ELF1: variants seen among roughly 807,000 people sequenced by gnomAD.
ELF1 encodes E74 like ETS transcription factor 1, also known as ETS-related transcription factor Elf-1.
Under a neutral mutation model 59.9 loss-of-function variants are expected in ELF1, and 24 were observed. The observed-to-expected ratio is 0.40, with a 90% CI of 0.29 to 0.56. The LOEUF is 0.56. Ranked by LOEUF, ELF1 falls within the 20% of genes least tolerant of loss-of-function variation. The pLI is 0.44. For missense variants in ELF1, 627 were observed against 742.2 expected (o/e 0.84, Z 1.80); for synonymous variants, 248 against 266.2 (o/e 0.93, Z 0.67).
chr13:40,979,060 A>T (rs1462141955), intron 2 of ELF1, among the ~76,000 whole-genome samples: 1 of 151,914 alleles, frequency 6.6e-6, no homozygotes, highest in Non-Finnish European at 1.5e-5. Flanking sequence ...CCCATCTAGT[A>T]GTCCCTCTTT....
At chr13:41,016,653 G>A (rs1374499222) in intron 1 of ELF1, among the ~76,000 whole-genome samples, 1 of 151,848 alleles carries the variant, frequency 6.6e-6, no homozygotes, top group Non-Finnish European at 1.5e-5. Context: ...GGTGGCTTGT[G>A]CCTGTAATCA....
chr13:40,939,008 G>T (rs1869966783), intron 8 of ELF1, among the ~76,000 whole-genome samples: 1 of 152,014 alleles, frequency 6.6e-6, no homozygotes. Context: ...AAAAATATAA[G>T]AAATAACAAA....
At chr13:41,060,926 C>T (rs577233775) in exon 1 of ELF1, 13,628 of 358,574 alleles carry the variant, frequency 0.038, 931 homozygotes, top group East Asian at 0.12. Flanking sequence ...CCGCCGCCGC[C>T]GCCGCCGCCG....
At chr13:40,955,441 C>T (rs368448109) in intron 3 of ELF1, among the ~76,000 whole-genome samples, 56,677 of 111,784 alleles carry the variant, frequency 0.51, 17,948 homozygotes, top group Non-Finnish European at 0.67. Context: ...GCCCCCCGCC[C>T]GGCCAGCCGC....
intron 1 of ELF1, among the ~76,000 whole-genome samples, chr13:41,055,379 C>T (rs1877246343): frequency 6.6e-6 from 1 of 151,562 alleles, no homozygotes; most frequent in Non-Finnish European, 1.5e-5. Flanking sequence ...CCTCTCAATG[C>T]CTTGTCCCCA....
intron 1 of ELF1, among the ~76,000 whole-genome samples, chr13:41,002,118 A>G (rs925258716): frequency 5.9e-5 from 9 of 152,184 alleles, no homozygotes; most frequent in African/African-American, 2.2e-4. Context: ...CTGGGGGGGA[A>G]ATAGGTACAG....
chr13:41,036,424 A>G (rs1211755260), intron 1 of ELF1, among the ~76,000 whole-genome samples: 1 of 152,204 alleles, frequency 6.6e-6, no homozygotes, highest in Admixed American at 6.5e-5. Flanking sequence ...CTCTCCCTCC[A>G]CACTTGAAGT....
In ELF1 at chr13:40,991,186, G is replaced by A. The variant is rs371987352; in HGVS notation, c.-228-8904C>T. On this transcript the variant is annotated intron_variant, in intron 1 of 8. Transcript: ENST00000239882. ...AAGCTTTCAGAACTGTCACAACTAAGAGAAGCCTAAGGAAACATGACAACT... is the reference window on the plus strand; with the variant it reads ...AAGCTTTCAGAACTGTCACAACTAAAAGAAGCCTAAGGAAACATGACAACT... Among the ~76,000 whole-genome samples, 56 of 152,296 alleles carry A rather than the reference G, an allele frequency of 3.7e-4. No individual in the cohort carries two copies. In the East Asian group the frequency reaches 9.3e-3, roughly 25 times the overall value.
intron 1 of ELF1, among the ~76,000 whole-genome samples, chr13:40,987,868 T>A (rs1277501091): frequency 1.3e-5 from 2 of 152,090 alleles, no homozygotes; most frequent in African/African-American, 4.8e-5. Flanking sequence ...GGTAACCTAA[T>A]AAAAGGGCTC....
At chr13:41,031,179 GAAAGAAAA>G in intron 1 of ELF1, among the ~76,000 whole-genome samples, 1 of 149,672 alleles carries the variant, frequency 6.7e-6, no homozygotes. Flanking sequence ...AAGAAAGAAA[GAAAGAAAA>G]AAAGAAAAGA....
chr13:40,944,297 C>T (rs1870370287), intron 5 of ELF1, among the ~76,000 whole-genome samples: 1 of 152,182 alleles, frequency 6.6e-6, no homozygotes, highest in Admixed American at 6.5e-5. Flanking sequence ...CAAAAATAAG[C>T]CATACAGTTT....
intron 2 of ELF1, among the ~76,000 whole-genome samples, chr13:40,979,014 GTTA>G (rs1873093896): frequency 9.7e-6 from 1 of 103,376 alleles, no homozygotes; most frequent in Non-Finnish European, 2.2e-5. Flanking sequence ...GCACCCAATA[GTTA>G]GTTTTTCAAC....
chr13:40,968,874 C>T (rs1274894445), intron 2 of ELF1, among the ~76,000 whole-genome samples: 1 of 152,048 alleles, frequency 6.6e-6, no homozygotes, highest in Non-Finnish European at 1.5e-5. Context: ...CATGTGCCAC[C>T]ACACCCAGCT....
intron 1 of ELF1, among the ~76,000 whole-genome samples, chr13:41,030,689 T>C (rs1365433993): frequency 6.6e-6 from 1 of 151,618 alleles, no homozygotes; most frequent in Non-Finnish European, 1.5e-5. Context: ...AGATTGAGGC[T>C]GCAGTGAACC....
chr13:40,958,163 T>G (rs186233330), intron 3 of ELF1, among the ~76,000 whole-genome samples: 1 of 152,372 alleles, frequency 6.6e-6, no homozygotes, highest in African/African-American at 2.4e-5. Context: ...TTCTAAGTGA[T>G]GAAAGTATTA....
Position 40,968,551 on chromosome 13 carries a change from C to T in ELF1, c.73-9535G>A, listed in dbSNP as rs529401008. ...AATGATTTCAGGAATTGATGTATTA[C>T]ACAAAGCAAGCTAGGATTGTACAAT... On this transcript the variant is annotated intron_variant, in intron 2 of 8. Coordinates refer to ENST00000239882, the MANE Select transcript of ELF1 (RefSeq NM_172373.4). 7.2e-5 allele frequency among the ~76,000 whole-genome samples: 11 copies of T among 152,100 alleles called. 1 individual carries two copies. In the South Asian group the frequency reaches 2.1e-3, roughly 29 times the overall value.
upstream of ELF1, chr13:41,019,514 A>C: frequency 5.4e-5 from 24 of 441,078 alleles, no homozygotes; most frequent in Middle Eastern, 1.2e-3. Context: ...TACTAAGCTC[A>C]TATTAATTGC....
intron 2 of ELF1, among the ~76,000 whole-genome samples, chr13:40,967,308 G>A (rs1210622807): frequency 6.6e-6 from 1 of 152,162 alleles, no homozygotes; most frequent in Non-Finnish European, 1.5e-5. Context: ...AAAAACTCAG[G>A]TTCTTATTTA....
chr13:40,947,489 T>C (rs1169425028), intron 5 of ELF1, among the ~76,000 whole-genome samples: 1 of 152,156 alleles, frequency 6.6e-6, no homozygotes, highest in East Asian at 1.9e-4. Flanking sequence ...ATGCAATGAG[T>C]TGAGATCAGC....
Sources: allele counts gnomAD v4.1 joint callset (sites outside exome capture counted in the v4.1 genomes callset), GRCh38; gene constraint gnomAD v4.1.1; transcripts MANE v1.5; gene names NCBI Gene and HGNC (gene_info 2026-07-23, HGNC 2026-07-21).